The following BNC2 variants were observed in gnomAD, a reference collection of about 807,000 sequenced individuals.
The protein encoded by BNC2 is zinc finger protein basonuclin-2.
A neutral mutation model predicts 76.3 loss-of-function variants in BNC2; 20 were observed. That is an observed-to-expected ratio of 0.26 (90% CI 0.18 to 0.38). The LOEUF is 0.38. Among genes scored for constraint, BNC2 ranks in the 10% least tolerant of loss-of-function variants. The pLI is 1.00. For synonymous variants in BNC2, 582 were observed against 514.8 expected, an observed-to-expected ratio of 1.13 and a Z score of -1.77; for missense variants, 1,382 against 1,399.8, an observed-to-expected ratio of 0.99 and a Z score of 0.20.
intron 3 of BNC2, among the ~76,000 whole-genome samples, chr9:16,586,435 G>A (rs547435420): frequency 3.9e-5 from 6 of 152,182 alleles, no homozygotes; most frequent in Admixed American, 1.3e-4. Flanking sequence ...TGCCCCACAC[G>A]TGCCTGAAAC....
intron 4 of BNC2, chr9:16,579,935 A>C (rs1819585820): frequency 2.5e-6 from 1 of 396,180 alleles, no homozygotes; most frequent in South Asian, 1.4e-4. Flanking sequence ...TGACAGGTAG[A>C]ATGCATTCAG....
intron 3 of BNC2, among the ~76,000 whole-genome samples, chr9:16,720,183 G>A (rs749462180): frequency 7.2e-5 from 11 of 152,146 alleles, no homozygotes; most frequent in Non-Finnish European, 1.5e-5. Context: ...CCACACCTGA[G>A]GGTGGCACCT....
At chr9:16,842,790 A>C (rs1818867933) in intron 1 of BNC2, among the ~76,000 whole-genome samples, 1 of 151,682 alleles carries the variant, frequency 6.6e-6, no homozygotes, top group African/African-American at 2.4e-5. Flanking sequence ...AGTCTCCTTC[A>C]CTCTGTGCAG....
chr9:16,435,504 A>G, intron 6 of BNC2, 51 bp downstream of exon 6: 1 of 1,603,684 alleles, frequency 6.2e-7, no homozygotes, highest in Non-Finnish European at 8.5e-7. Context: ...ACATGACTGA[A>G]AACTGGCACC....
rs1012110704 is a variant in BNC2 at position 16,469,055 on chromosome 9, T to C, written c.670-31531A>G. 4.1e-4 allele frequency among the ~76,000 whole-genome samples: 62 copies of C among 152,232 alleles called. 1 individual carries two copies. Among genetic ancestry groups the C allele is most frequent in the East Asian group, 1.9e-4 (1 of 5,198 alleles). On this transcript the variant is annotated intron_variant, in intron 5 of 6. Coordinates refer to ENST00000380672, the MANE Select transcript of BNC2 (RefSeq NM_017637.6). ...TATGAGCTTTTCAGCTTATGTGCTA[T>C]GGAACATTATACTTTATACCTGTGT...
intron 3 of BNC2, among the ~76,000 whole-genome samples, chr9:16,594,848 C>T (rs898244155): frequency 3.3e-5 from 5 of 152,084 alleles, no homozygotes; most frequent in African/African-American, 1.2e-4. Flanking sequence ...GATAATCCCC[C>T]TTGTTCCCCT....
intron 5 of BNC2, among the ~76,000 whole-genome samples, chr9:16,476,925 G>C (rs1821940290): frequency 1.3e-5 from 2 of 152,154 alleles, no homozygotes; most frequent in African/African-American, 4.8e-5. Context: ...CTGTGGTAGG[G>C]AAAGAACATT....
At chr9:16,578,113 T>A (rs1181656212) in intron 4 of BNC2, among the ~76,000 whole-genome samples, 1 of 152,082 alleles carries the variant, frequency 6.6e-6, no homozygotes, top group Non-Finnish European at 1.5e-5. Flanking sequence ...AAGTTACTGA[T>A]CTAGTTTAAA....
intron 5 of BNC2, among the ~76,000 whole-genome samples, chr9:16,534,276 A>G (rs1464777130): frequency 6.6e-6 from 1 of 152,140 alleles, no homozygotes; most frequent in African/African-American, 2.4e-5. Flanking sequence ...ACAGTAAATA[A>G]GACTGCCCGT....
chr9:16,513,376 G>A (rs1243284995), intron 5 of BNC2, among the ~76,000 whole-genome samples: 2 of 138,644 alleles, frequency 1.4e-5, no homozygotes, highest in Non-Finnish European at 3.0e-5. Flanking sequence ...GCACGATCTC[G>A]GCTCACTGCA....
intron 1 of BNC2, among the ~76,000 whole-genome samples, chr9:16,801,599 T>C (rs918235030): frequency 6.6e-6 from 1 of 152,040 alleles, no homozygotes; most frequent in Non-Finnish European, 1.5e-5. Flanking sequence ...CCTCAAGTAC[T>C]TAACCTAGAA....
chr9:16,668,616 T>A (rs1822375952), intron 3 of BNC2, among the ~76,000 whole-genome samples: 1 of 152,228 alleles, frequency 6.6e-6, no homozygotes, highest in African/African-American at 2.4e-5. Flanking sequence ...GTAGCCATTA[T>A]TGTGGAATTT....
At chr9:16,697,303 C>A (rs1196534005) in intron 3 of BNC2, among the ~76,000 whole-genome samples, 2 of 151,734 alleles carry the variant, frequency 1.3e-5, no homozygotes, top group African/African-American at 4.8e-5. Context: ...CGAGATTGCG[C>A]CACTGAACTC....
intron 1 of BNC2, among the ~76,000 whole-genome samples, chr9:16,860,030 GGGA>G (rs1819359200): frequency 1.3e-5 from 2 of 152,102 alleles, no homozygotes; most frequent in South Asian, 4.1e-4. Flanking sequence ...ACTCAGGCAG[GGGA>G]ATTGCTTGAA....
chr9:16,784,226 C>G (rs576026696), intron 1 of BNC2, among the ~76,000 whole-genome samples: 24 of 152,200 alleles, frequency 1.6e-4, no homozygotes, highest in Non-Finnish European at 2.2e-4. Flanking sequence ...GCAGGGAAGA[C>G]AGCTGTGCAA....
At chr9:16,674,780 C>T (rs1009680129) in intron 3 of BNC2, among the ~76,000 whole-genome samples, 8 of 152,114 alleles carry the variant, frequency 5.3e-5, no homozygotes, top group Non-Finnish European at 8.8e-5. Flanking sequence ...ACATTGATTT[C>T]AAGGGGACTT....
At chr9:16,624,438 A>G (rs1318923804) in intron 3 of BNC2, among the ~76,000 whole-genome samples, 1 of 152,208 alleles carries the variant, frequency 6.6e-6, no homozygotes, top group Non-Finnish European at 1.5e-5. Flanking sequence ...ACAACATAAA[A>G]GTTAATTTTA....
chr9:16,762,978 G>C (rs986132072), intron 1 of BNC2, among the ~76,000 whole-genome samples: 1 of 152,104 alleles, frequency 6.6e-6, no homozygotes, highest in African/African-American at 2.4e-5. Flanking sequence ...AATCAAGGAA[G>C]AAAGGTTAAG....
intron 3 of BNC2, among the ~76,000 whole-genome samples, chr9:16,718,462 A>C (rs575662585): frequency 6.6e-6 from 1 of 152,370 alleles, no homozygotes; most frequent in South Asian, 2.1e-4. Context: ...TTACTTTCCA[A>C]AGTTGTCCAA....
Sources: gnomAD v4.1 joint callset for allele counts (sites outside exome capture counted in the v4.1 genomes callset) on GRCh38, gnomAD v4.1.1 for gene constraint, MANE v1.5 for transcripts, NCBI Gene and HGNC (gene_info 2026-07-23, HGNC 2026-07-21) for gene names.